Variants in SF3A3 observed in about 807,000 individuals in gnomAD.
The protein encoded by SF3A3 is splicing factor 3a subunit 3, also known as SAP 61.
Under a neutral mutation model 85.8 loss-of-function variants are expected in SF3A3, and 9 were observed. The ratio of observed to expected loss-of-function variants is 0.10; its 90% CI spans 0.06 to 0.18. The LOEUF (loss-of-function observed/expected upper bound fraction) is 0.18. Among genes scored for constraint, SF3A3 ranks in the 10% least tolerant of loss-of-function variants. The pLI, the probability that SF3A3 is intolerant of heterozygous loss-of-function variation, is 1.00. For synonymous variants in SF3A3, 195 were observed against 204.4 expected (o/e 0.95, Z 0.39); for missense variants, 306 against 593.3 (o/e 0.52, Z 5.03).
intron 6 of SF3A3, among the ~76,000 whole-genome samples, chr1:37,983,912 G>A (rs1044307687): frequency 6.6e-6 from 1 of 151,868 alleles, no homozygotes; most frequent in African/African-American, 2.4e-5. Context: ...ACTCCAGACT[G>A]GGCAACATGG....
intron 12 of SF3A3, among the ~76,000 whole-genome samples, chr1:37,972,385 T>C (rs1164057093): frequency 1.3e-5 from 2 of 152,220 alleles, no homozygotes; most frequent in African/African-American, 4.8e-5. Flanking sequence ...GAACATTCCA[T>C]GCTCATGGAT....
Position 37,971,733 on chromosome 1 carries a change from T to C in SF3A3, c.1006-1998A>G, listed in dbSNP as rs541928306. 5.8e-4 allele frequency among the ~76,000 whole-genome samples: 89 copies of C among 152,290 alleles called. No homozygotes were observed. In the Middle Eastern group the frequency reaches 0.014, roughly 23 times the overall value. On this transcript the variant is annotated intron_variant, in intron 12 of 16. Transcript: ENST00000373019. Reference sequence around the variant, plus strand: ...AAATCAATAAACGTAATCCATCATATAAACAGAACCAAAGACAAAAACCAC... The same window carrying C: ...AAATCAATAAACGTAATCCATCATACAAACAGAACCAAAGACAAAAACCAC...
intron 12 of SF3A3, among the ~76,000 whole-genome samples, chr1:37,974,160 A>G (rs1248700799): frequency 1.3e-5 from 2 of 152,126 alleles, no homozygotes; most frequent in Admixed American, 1.3e-4. Context: ...CAGCACACCA[A>G]CATGGCACAT....
At chr1:37,970,327 C>T (rs1316579876) in intron 12 of SF3A3, among the ~76,000 whole-genome samples, 3 of 149,690 alleles carry the variant, frequency 2.0e-5, no homozygotes, top group Non-Finnish European at 3.0e-5. Context: ...AAAAAATATG[C>T]ACACAATACA....
intron 2 of SF3A3, 52 bp from the exon 3 acceptor site, chr1:37,987,888 A>G: frequency 4.1e-6 from 6 of 1,462,114 alleles, no homozygotes; most frequent in Non-Finnish European, 5.8e-6. Flanking sequence ...ACAACTGTAG[A>G]GCTAAGCAAA....
At chr1:37,985,042 A>G (rs1646446570) in intron 4 of SF3A3, among the ~76,000 whole-genome samples, 1 of 152,212 alleles carries the variant, frequency 6.6e-6, no homozygotes, top group Non-Finnish European at 1.5e-5. Flanking sequence ...TCCTAAGCTC[A>G]AGTGATCTGC....
rs1346670558 is a variant in SF3A3 at position 37,981,772 on chromosome 1, A to C, written c.508T>G (p.Leu170Val). The C allele has an allele frequency of 1.1e-5, 18 of 1,599,106 alleles. No individual in the cohort carries two copies. The highest frequency in any genetic ancestry group is 1.5e-5 in the Non-Finnish European group (17 of 1,167,890). ...TTCCTTTCTTTAGGAATGTCAAATA[A>C]TTGGTCAAAGATGGACAGGTATGTG... ...YITYLSIFDQ[L>V]FDIPKERKNA... Residue 170 changes from leucine (L) to valine (V), a missense_variant, in exon 7 of 17, where the codon TTA becomes GTA. Leu to Val is a conservative substitution (Grantham distance 32). Transcript: ENST00000373019.
At chr1:37,988,102 G>A (rs748550363) in intron 2 of SF3A3, among the ~76,000 whole-genome samples, 3 of 152,108 alleles carry the variant, frequency 2.0e-5, no homozygotes, top group Non-Finnish European at 2.9e-5. Flanking sequence ...TTAAGGGGTG[G>A]CTCCTATCTT....
chr1:37,971,539 C>A (rs948658467), intron 12 of SF3A3, among the ~76,000 whole-genome samples: 2 of 152,118 alleles, frequency 1.3e-5, no homozygotes, highest in Non-Finnish European at 2.9e-5. Context: ...CAAAGCCTGG[C>A]AGAGACCACA....
intron 12 of SF3A3, among the ~76,000 whole-genome samples, chr1:37,975,318 C>A (rs2148720376): frequency 6.6e-6 from 1 of 152,134 alleles, no homozygotes; most frequent in Admixed American, 6.5e-5. Context: ...GAATTCAAGA[C>A]CAGCCTGGCC....
rs759949343 is a variant in SF3A3, at chr1:37,984,820, G to T, written c.304-41C>A. 43 of 1,530,192 alleles carry T rather than the reference G, an allele frequency of 2.8e-5. No homozygotes were observed. In the East Asian group the frequency reaches 9.5e-4, roughly 34 times the overall value. The allele number at this position is 1,530,192 out of a possible 1,614,324, so 94.8% of individuals were successfully genotyped here. ...AAAGCTCAGGTGGATTTTTCTTTTT[G>T]CTTTTGAGATGGATTCTCACTCTGT... On this transcript the variant is annotated intron_variant, in intron 4 of 16. Coordinates refer to ENST00000373019, the MANE Select transcript of SF3A3 (RefSeq NM_006802.4).
chr1:37,972,670 C>T (rs1376724279), intron 12 of SF3A3, among the ~76,000 whole-genome samples: 2 of 152,154 alleles, frequency 1.3e-5, no homozygotes, highest in South Asian at 2.1e-4. Context: ...GGTATCAAAA[C>T]AGAGATATAG....
chr1:37,967,895 A>C, intron 15 of SF3A3, 149 bp downstream of exon 15: 1 of 645,550 alleles, frequency 1.5e-6, no homozygotes, highest in South Asian at 1.9e-5. Flanking sequence ...AACAAAAAAC[A>C]GAAATGCAAT....
At chr1:37,977,042 C>T (rs1230737826) in intron 11 of SF3A3, 89 bp from the exon 12 acceptor site, 2 of 885,900 alleles carry the variant, frequency 2.3e-6, no homozygotes, top group Non-Finnish European at 3.8e-6. Flanking sequence ...TGCACAACTG[C>T]ATTAAAAATT....
intron 12 of SF3A3, among the ~76,000 whole-genome samples, chr1:37,971,073 T>C (rs1646341745): frequency 1.3e-5 from 2 of 152,226 alleles, no homozygotes; most frequent in Non-Finnish European, 2.9e-5. Context: ...ATCCAGGAGC[T>C]GGTTTTTTGA....
chr1:37,971,497 C>T (rs1288361407), intron 12 of SF3A3, among the ~76,000 whole-genome samples: 2 of 152,228 alleles, frequency 1.3e-5, no homozygotes, highest in Admixed American at 1.3e-4. Flanking sequence ...TCCTCCCTAA[C>T]TCATTTTATG....
intron 15 of SF3A3, among the ~76,000 whole-genome samples, chr1:37,965,336 T>C (rs1570455696): frequency 1.4e-5 from 1 of 70,044 alleles, no homozygotes; most frequent in African/African-American, 6.9e-5. Flanking sequence ...AAACTCAGAA[T>C]AGTTTTATAA....
intron 15 of SF3A3, among the ~76,000 whole-genome samples, chr1:37,965,174 A>T (rs970137744): frequency 2.0e-5 from 3 of 151,628 alleles, no homozygotes; most frequent in Non-Finnish European, 4.4e-5. Context: ...AATAAAAAAT[A>T]AAAAAATAAA....
chr1:37,984,303 A>G (rs373075031), intron 5 of SF3A3, 43 bp from the exon 6 acceptor site: 275 of 1,102,960 alleles, frequency 2.5e-4, no homozygotes, highest in Non-Finnish European at 5.6e-5. Flanking sequence ...TCTACAGACC[A>G]CTCTCTTGGA....
Sources: allele counts gnomAD v4.1 joint callset (sites outside exome capture counted in the v4.1 genomes callset), GRCh38; gene constraint gnomAD v4.1.1; transcripts MANE v1.5; gene names NCBI Gene and HGNC (gene_info 2026-07-23, HGNC 2026-07-21).